TMEM50B: variants seen among roughly 807,000 people sequenced by gnomAD.
The protein encoded by TMEM50B is transmembrane protein 50B.
A neutral mutation model predicts 23.4 loss-of-function variants in TMEM50B; 14 were observed. The observed-to-expected ratio is 0.60, with a 90% CI of 0.39 to 0.93. The LOEUF (loss-of-function observed/expected upper bound fraction) is 0.93. Ranked by LOEUF, TMEM50B falls within the 40% of genes least tolerant of loss-of-function variation. The probability of loss-of-function intolerance (pLI) is 0.00; values close to 1 mark genes in which losing one functional copy is unlikely to be tolerated. For synonymous variants in TMEM50B, 64 were observed against 62.3 expected (o/e 1.03, Z -0.13); for missense variants, 159 against 193.0 (o/e 0.82, Z 1.04).
chr21:33,467,738 C>T (rs751085990), intron 2 of TMEM50B, among the ~76,000 whole-genome samples: 3 of 152,152 alleles, frequency 2.0e-5, no homozygotes, highest in African/African-American at 2.4e-5. Context: ...AAGTCAGAGG[C>T]GGAGACTGCA....
At chr21:33,459,052 AAAG>A (rs1310408698) in intron 5 of TMEM50B, among the ~76,000 whole-genome samples, 2 of 152,226 alleles carry the variant, frequency 1.3e-5, no homozygotes, top group African/African-American at 4.8e-5. Flanking sequence ...ACAGTTAAGC[AAAG>A]AAGGCTGACA....
chr21:33,445,018 G>A (rs2084040469), downstream of TMEM50B, among the ~76,000 whole-genome samples: 1 of 149,568 alleles, frequency 6.7e-6, no homozygotes, highest in Admixed American at 6.7e-5. Context: ...GAGCTACTTG[G>A]AAGGCTGAGG....
chr21:33,470,243 G>A (rs879897696), intron 1 of TMEM50B, among the ~76,000 whole-genome samples: 5 of 151,048 alleles, frequency 3.3e-5, no homozygotes, highest in African/African-American at 9.7e-5. Context: ...AGGCCGAGGC[G>A]GGTGGATCAT....
intron 1 of TMEM50B, among the ~76,000 whole-genome samples, chr21:33,479,590 G>A (rs1188402351): frequency 6.6e-6 from 1 of 152,236 alleles, no homozygotes; most frequent in African/African-American, 2.4e-5. Flanking sequence ...CTGCTTGCGG[G>A]TCGCGGCGGC....
At chr21:33,469,513 G>A (rs1008528586) in intron 1 of TMEM50B, 3 of 152,224 alleles carry the variant, frequency 2.0e-5, no homozygotes, top group Non-Finnish European at 4.4e-5. Context: ...TCCATTGAGA[G>A]GTAGATTTAT....
At chr21:33,451,434 C>T (rs1184818932) in intron 6 of TMEM50B, among the ~76,000 whole-genome samples, 1 of 152,082 alleles carries the variant, frequency 6.6e-6, no homozygotes, top group Non-Finnish European at 1.5e-5. Context: ...TATAAAATTC[C>T]ACCTATAAAA....
At chr21:33,465,303 G>A (rs2123444262) in intron 4 of TMEM50B, 39 bp downstream of exon 4, 1 of 1,528,322 alleles carries the variant, frequency 6.5e-7, no homozygotes, top group African/African-American at 1.4e-5. Context: ...ACAAATTTCT[G>A]TTTTGTCAAC....
rs752030234 is a variant in TMEM50B at position 33,449,345 on chromosome 21, A to ACTT, written c.*1472_*1473insAAG. The ACTT allele has an allele frequency of 6.6e-6, 1 of 152,560 alleles. No individual in the cohort carries two copies. Among genetic ancestry groups the ACTT allele is most frequent in the Non-Finnish European group, 1.5e-5 (1 of 68,036 alleles). 9.5% of individuals were successfully genotyped at this position (152,560 alleles called of 1,614,324 possible). On this transcript the variant is annotated 3_prime_UTR_variant, in exon 7 of 7. Transcript: ENST00000542230. ...TCTGTGCACAAGAAATCCTCTCAAG[A>ACTT]GAGAGGAGAGGAGTGATGCCAAATG...
At chr21:33,433,338 A>G (rs1248795901) in intron 8 of TMEM50B, among the ~76,000 whole-genome samples, 1 of 152,230 alleles carries the variant, frequency 6.6e-6, no homozygotes, top group East Asian at 1.9e-4. Flanking sequence ...ACGATTCACA[A>G]CAGCCAAAAG....
intron 1 of TMEM50B, among the ~76,000 whole-genome samples, chr21:33,475,763 G>C (rs990412369): frequency 6.6e-6 from 1 of 151,870 alleles, no homozygotes; most frequent in Non-Finnish European, 1.5e-5. Context: ...GACAATCCTG[G>C]CTAACACGTT....
intron 1 of TMEM50B, among the ~76,000 whole-genome samples, chr21:33,471,433 C>A (rs1388025803): frequency 6.6e-6 from 1 of 152,024 alleles, no homozygotes; most frequent in Non-Finnish European, 1.5e-5. Context: ...AGAAATAAAT[C>A]CCAAAATGAC....
chr21:33,442,874 C>T (rs567077919), intron 7 of TMEM50B, among the ~76,000 whole-genome samples: 24 of 151,856 alleles, frequency 1.6e-4, no homozygotes, highest in African/African-American at 5.8e-4. Flanking sequence ...TGAGCAAGAT[C>T]GTGCCACTGC....
At position 33,449,739 on chromosome 21, in the gene TMEM50B, TA is replaced by T. The variant is rs1254383655; in HGVS notation, c.*1078del. 5 of 152,598 alleles carry T rather than the reference TA, an allele frequency of 3.3e-5. No homozygotes were observed. Among genetic ancestry groups the T allele is most frequent in the Non-Finnish European group, 5.9e-5 (4 of 68,030 alleles). 9.5% of individuals were successfully genotyped at this position (152,598 alleles called of 1,614,324 possible). On this transcript the variant is annotated 3_prime_UTR_variant, in exon 7 of 7. Transcript: ENST00000542230. Reference sequence around the variant, plus strand: ...TATCTTTAATTATTCCACTTTTTGTTAAATGGTTCATGCTTTTAAACTGCGA... The same window carrying T: ...TATCTTTAATTATTCCACTTTTTGTTAATGGTTCATGCTTTTAAACTGCGA...
intron 6 of TMEM50B, among the ~76,000 whole-genome samples, chr21:33,451,623 A>G (rs1203293318): frequency 6.6e-6 from 1 of 152,084 alleles, no homozygotes; most frequent in Admixed American, 6.6e-5. Context: ...GAGAGATGGG[A>G]CACTCCAGGG....
chr21:33,478,901 TGAGAAGG>T (rs2084399450), intron 1 of TMEM50B: 1 of 449,060 alleles, frequency 2.2e-6, no homozygotes, highest in African/African-American at 2.1e-5. Context: ...ATGAAGAGTC[TGAGAAGG>T]GAGATGGGAT....
At chr21:33,465,463 C>A in intron 3 of TMEM50B, 54 bp from the exon 4 acceptor site, 3 of 1,354,950 alleles carry the variant, frequency 2.2e-6, no homozygotes, top group South Asian at 1.2e-5. Context: ...TTAAAATACT[C>A]AAATATTTAT....
Position 33,468,784 on chromosome 21 carries a change from T to C in TMEM50B, c.99+3A>G. 1 of 1,612,778 alleles carries C rather than the reference T, an allele frequency of 6.2e-7. No homozygotes were observed. The highest frequency in any genetic ancestry group is 8.5e-7 in the Non-Finnish European group (1 of 1,179,134). On this transcript the variant is annotated splice_donor_region_variant and intron_variant, in intron 2 of 6. Transcript: ENST00000542230. ...ATGTCACCAACCAGTCTTTCTCACT[T>C]ACCAATATACCTGCGACAACAGATG...
chr21:33,450,724 A>T lies in TMEM50B; in HGVS notation c.*94T>A. The T allele has an allele frequency of 1.1e-6, 1 of 914,786 alleles. No individual in the cohort carries two copies. The highest frequency in any genetic ancestry group is 1.7e-6 in the Non-Finnish European group (1 of 585,598). The allele number at this position is 914,786 out of a possible 1,614,324, so 56.7% of individuals were successfully genotyped here. A position where few individuals can be genotyped will look rare whatever the true frequency, so the allele number is the denominator to read the frequency against. On this transcript the variant is annotated 3_prime_UTR_variant, in exon 7 of 7. Transcript: ENST00000542230. ...TGTAAAGAAACAAAACATTTAATGT[A>T]CAATCTACTCCATTTGGCAATGTGT...
At chr21:33,456,318 C>T (rs1394130172) in intron 5 of TMEM50B, among the ~76,000 whole-genome samples, 1 of 152,142 alleles carries the variant, frequency 6.6e-6, no homozygotes. Context: ...CCTGCCTCAG[C>T]GTCCCAAGTG....
Sources: gnomAD v4.1 joint callset for allele counts (sites outside exome capture counted in the v4.1 genomes callset) on GRCh38, gnomAD v4.1.1 for gene constraint, MANE v1.5 for transcripts, NCBI Gene and HGNC (gene_info 2026-07-23, HGNC 2026-07-21) for gene names.